Variants in ATP2B2 observed in about 807,000 individuals in gnomAD.
The protein encoded by ATP2B2 is plasma membrane calcium-transporting ATPase 2.
In ATP2B2, 15 loss-of-function variants were observed where a neutral mutation model predicts 120.0. The observed-to-expected ratio is 0.12, with a 90% confidence interval of 0.08 to 0.19. ATP2B2 has a LOEUF of 0.19. Among genes scored for constraint, ATP2B2 ranks in the 10% least tolerant of loss-of-function variants. The pLI is 1.00. For missense variants in ATP2B2, 1,045 were observed against 1,719.8 expected, an observed-to-expected ratio of 0.61 and a Z score of 6.94; for synonymous variants, 694 against 700.3, an observed-to-expected ratio of 0.99 and a Z score of 0.14.
At chr3:10,570,153 C>A (rs552412340) in intron 2 of ATP2B2, 1 of 152,228 alleles carries the variant, frequency 6.6e-6, no homozygotes, top group Admixed American at 6.5e-5. Context: ...ATGCCTCTAG[C>A]GTCCTTCACT....
chr3:10,484,651 G>A (rs574449653), intron 1 of ATP2B2, among the ~76,000 whole-genome samples: 10 of 152,148 alleles, frequency 6.6e-5, no homozygotes, highest in Non-Finnish European at 2.9e-5. Flanking sequence ...CTCACATCCT[G>A]CAGGGCCCCC....
chr3:10,691,475 C>A (rs2071661940), intron 1 of ATP2B2, among the ~76,000 whole-genome samples: 1 of 152,130 alleles, frequency 6.6e-6, no homozygotes, highest in Non-Finnish European at 1.5e-5. Flanking sequence ...GCTGTGGTTC[C>A]TTGGACTGAG....
At chr3:10,582,835 A>AG (rs1313423551) in intron 2 of ATP2B2, among the ~76,000 whole-genome samples, 6 of 152,338 alleles carry the variant, frequency 3.9e-5, no homozygotes, top group Non-Finnish European at 8.8e-5. Context: ...CAAGACACCA[A>AG]GGGCAGCCAC....
chr3:10,476,390 A>C lies in ATP2B2; in HGVS notation c.-319-26528T>G, dbSNP rs142972161. Among the ~76,000 whole-genome samples the C allele has an allele frequency of 5.9e-5, 9 of 152,368 alleles. No individual in the cohort carries two copies. The East Asian group carries it at 1.7e-3, about 29-fold the overall frequency. ...CTCAAAATCAAGGCCTAGTAGGACC[A>C]AGTCAACTCTCTGCTTTTCAATAAA... On this transcript the variant is annotated intron_variant, in intron 1 of 22. Coordinates refer to ENST00000360273, the MANE Select transcript of ATP2B2 (RefSeq NM_001001331.4).
intron 1 of ATP2B2, among the ~76,000 whole-genome samples, chr3:10,701,736 G>A (rs116469584): frequency 6.6e-6 from 1 of 151,716 alleles, no homozygotes; most frequent in Non-Finnish European, 1.5e-5. Flanking sequence ...GACCCTCTCC[G>A]TATGCCCCTG....
intron 1 of ATP2B2, among the ~76,000 whole-genome samples, chr3:10,457,406 G>T (rs955718062): frequency 6.6e-5 from 10 of 152,144 alleles, no homozygotes; most frequent in African/African-American, 2.4e-4. Context: ...GTGTGCAAAT[G>T]CTGGTCTTAG....
chr3:10,437,705 G>A (rs1361651718), intron 2 of ATP2B2, among the ~76,000 whole-genome samples: 2 of 152,178 alleles, frequency 1.3e-5, no homozygotes, highest in Non-Finnish European at 2.9e-5. Context: ...GCTGAATCAT[G>A]CTCCCCCAAA....
chr3:10,497,182 C>T (rs2066187026), intron 1 of ATP2B2, among the ~76,000 whole-genome samples: 1 of 152,220 alleles, frequency 6.6e-6, no homozygotes, highest in Admixed American at 6.5e-5. Flanking sequence ...CCCTGTGGAT[C>T]CCTGAAGCAC....
At chr3:10,509,804 C>T (rs186811489), upstream of ATP2B2, among the ~76,000 whole-genome samples, 6 of 152,316 alleles carry the variant, frequency 3.9e-5, no homozygotes, top group East Asian at 1.9e-4. Context: ...AACCAGATCT[C>T]GAGTGGAGGC....
At chr3:10,557,251 G>A (rs965523312) in intron 2 of ATP2B2, among the ~76,000 whole-genome samples, 12 of 152,254 alleles carry the variant, frequency 7.9e-5, no homozygotes, top group African/African-American at 2.9e-4. Flanking sequence ...CCACTGAGGA[G>A]ATAAATGAAG....
chr3:10,334,702 C>T (rs1307978136), intron 22 of ATP2B2, among the ~76,000 whole-genome samples: 3 of 152,186 alleles, frequency 2.0e-5, no homozygotes, highest in African/African-American at 4.8e-5. Context: ...TCTGTCCTGC[C>T]GCTATGGGTC....
At chr3:10,509,904 C>A (rs2066725996), upstream of ATP2B2, among the ~76,000 whole-genome samples, 1 of 152,170 alleles carries the variant, frequency 6.6e-6, no homozygotes, top group Non-Finnish European at 1.5e-5. Flanking sequence ...TCCCTGAGTC[C>A]CAGGTTTTTT....
intron 5 of ATP2B2, among the ~76,000 whole-genome samples, chr3:10,397,362 C>T (rs1161509115): frequency 2.0e-5 from 3 of 152,128 alleles, no homozygotes; most frequent in Admixed American, 6.5e-5. Flanking sequence ...CAGTGAGATC[C>T]GGTTGGGTGG....
Position 10,423,261 on chromosome 3 carries a change from C to T in ATP2B2, c.200-12446G>A, listed in dbSNP as rs949408553. On this transcript the variant is annotated intron_variant, in intron 2 of 22. Transcript: ENST00000360273. The stretch of plus-strand genomic sequence containing the variant: ...AATCTGGCCACCCATCCCTAAGGCT[C>T]CCTGTCCCCTCTCCTCCACATCCGG... Among the ~76,000 whole-genome samples the T allele has an allele frequency of 3.9e-5, 6 of 152,354 alleles. No individual in the cohort carries two copies. The East Asian group carries it at 7.7e-4, about 20-fold the overall frequency.
At chr3:10,502,708 G>A (rs4327370) in intron 1 of ATP2B2, among the ~76,000 whole-genome samples, 8,084 of 152,332 alleles carry the variant, frequency 0.053, 343 homozygotes, top group East Asian at 0.21. Context: ...TCAGGGCCAC[G>A]CCCGCCTGGG....
intron 14 of ATP2B2, among the ~76,000 whole-genome samples, chr3:10,356,340 C>G (rs994935620): frequency 1.3e-5 from 2 of 152,162 alleles, no homozygotes; most frequent in Non-Finnish European, 2.9e-5. Context: ...TGGACTAGAT[C>G]AGTCACTCAA....
chr3:10,463,579 C>A (rs985038465), intron 1 of ATP2B2, among the ~76,000 whole-genome samples: 1 of 152,212 alleles, frequency 6.6e-6, no homozygotes, highest in African/African-American at 2.4e-5. Flanking sequence ...AGAGATTGCG[C>A]GGGGTCACGT....
At chr3:10,332,053 C>CATGG (rs2059993960) in intron 22 of ATP2B2, 2 of 1,549,506 alleles carry the variant, frequency 1.3e-6, no homozygotes, top group Non-Finnish European at 1.7e-6. Flanking sequence ...GAAACAAACA[C>CATGG]ATGGAATATT....
At position 10,606,912 on chromosome 3, in the gene ATP2B2, C is replaced by CACACACACAG. The variant is rs1405755716; in HGVS notation, c.-415+13004_-415+13005insCTGTGTGTGT. On this transcript the variant is annotated intron_variant, in intron 2 of 21. Transcript: ENST00000646379. ...ACACACACACACACACACACACACACAGAGAGAGAGAGAGAGAGAGAGAGA... is the reference window on the plus strand; with the variant it reads ...ACACACACACACACACACACACACACACACACACAGAGAGAGAGAGAGAGAGAGAGAGAGA... 1.3e-3 allele frequency among the ~76,000 whole-genome samples: 84 copies of CACACACACAG among 62,564 alleles called. 1 individual carries two copies. In the East Asian group the frequency reaches 0.021, roughly 15 times the overall value. 41.0% of individuals were successfully genotyped at this position (62,564 alleles called of 152,430 possible). A position where few individuals can be genotyped will look rare whatever the true frequency, so the allele number is the denominator to read the frequency against.
Sources: allele counts gnomAD v4.1 joint callset (sites outside exome capture counted in the v4.1 genomes callset), GRCh38; gene constraint gnomAD v4.1.1; transcripts MANE v1.5; gene names NCBI Gene and HGNC (gene_info 2026-07-23, HGNC 2026-07-21).